SLCO6A1: variants seen among roughly 807,000 people sequenced by gnomAD.
The protein encoded by SLCO6A1 is solute carrier organic anion transporter family member 6A1, also known as cancer/testis antigen 48.
SLCO6A1 carries 65 observed loss-of-function variants against 72.7 expected under a neutral mutation model. The ratio of observed to expected loss-of-function variants is 0.89; its 90% CI spans 0.73 to 1.10. SLCO6A1 has a LOEUF of 1.10. Among genes scored for constraint, SLCO6A1 ranks in the 50% least tolerant of loss-of-function variants. SLCO6A1 has a pLI of 0.00. For missense variants in SLCO6A1, 874 were observed against 872.6 expected (o/e 1.00, Z -0.02); for synonymous variants, 314 against 298.2 (o/e 1.05, Z -0.55).
At chr5:102,459,620 T>C (rs753010370) in intron 5 of SLCO6A1, 36 bp downstream of exon 5, 2 of 1,551,496 alleles carry the variant, frequency 1.3e-6, no homozygotes, top group South Asian at 2.5e-5. Context: ...AAGAAACTAC[T>C]ATCCTCCAAT....
intron 1 of SLCO6A1, among the ~76,000 whole-genome samples, chr5:102,481,321 C>T (rs1042240702): frequency 1.3e-5 from 2 of 152,158 alleles, no homozygotes; most frequent in African/African-American, 4.8e-5. Flanking sequence ...GGTGCCAGAG[C>T]CCATGGGCTC....
At chr5:102,495,640 T>C (rs1044791800) in intron 1 of SLCO6A1, among the ~76,000 whole-genome samples, 48 of 151,948 alleles carry the variant, frequency 3.2e-4, no homozygotes, top group African/African-American at 1.1e-3. Flanking sequence ...TAATAAAAAA[T>C]AAAATTGATT....
intron 2 of SLCO6A1, among the ~76,000 whole-genome samples, chr5:102,479,450 T>C (rs1752075005): frequency 6.6e-6 from 1 of 152,052 alleles, no homozygotes; most frequent in African/African-American, 2.4e-5. Context: ...TCAAAAATAA[T>C]AACTACAAAC....
At chr5:102,413,575 T>C (rs556058461) in intron 8 of SLCO6A1, among the ~76,000 whole-genome samples, 1 of 152,308 alleles carries the variant, frequency 6.6e-6, no homozygotes, top group South Asian at 2.1e-4. Flanking sequence ...TTCATGCAGC[T>C]GGTCTTTATT....
chr5:102,466,539 A>T (rs1188990578), intron 4 of SLCO6A1, among the ~76,000 whole-genome samples: 2 of 152,076 alleles, frequency 1.3e-5, no homozygotes, highest in Non-Finnish European at 2.9e-5. Flanking sequence ...GTATATACCC[A>T]GTAATAGGAT....
chr5:102,383,101 T>TATATATATATAC (rs1432084945), intron 12 of SLCO6A1, among the ~76,000 whole-genome samples: 2 of 148,290 alleles, frequency 1.3e-5, no homozygotes, highest in Non-Finnish European at 3.0e-5. Context: ...TGTGAATATA[T>TATATATATATAC]ATATATATAG....
intron 1 of SLCO6A1, among the ~76,000 whole-genome samples, chr5:102,491,719 G>A (rs999964771): frequency 2.5e-4 from 38 of 152,320 alleles, no homozygotes; most frequent in East Asian, 3.9e-4. Flanking sequence ...GTTCCCGCCC[G>A]TGCCTCTCCC....
chr5:102,415,589 C>G (rs1748239210), intron 8 of SLCO6A1, among the ~76,000 whole-genome samples: 1 of 152,000 alleles, frequency 6.6e-6, no homozygotes, highest in Non-Finnish European at 1.5e-5. Context: ...ATATAACTCT[C>G]CAAACTCTAA....
At position 102,459,671 on chromosome 5, in the gene SLCO6A1, G is replaced by C. The variant is rs900020656; in HGVS notation, c.1006C>G (p.Pro336Ala). 2 of 1,585,258 alleles carry C rather than the reference G, an allele frequency of 1.3e-6. No individual in the cohort carries two copies. The highest frequency in any genetic ancestry group is 1.9e-5 in the Admixed American group (1 of 51,884). The change falls in exon 5 of 14, where the codon CCA becomes GCA. Residue 336 changes from proline (P) to alanine (A), a missense_variant. By Grantham distance (27) the Pro-to-Ala change is conservative. Coordinates refer to ENST00000506729, the MANE Select transcript of SLCO6A1 (RefSeq NM_173488.5). ...TTATAGTCACCTGGCATATTGTTTG[G>C]AAAGCATGACAATGGTATTAATGTA... ...WCTLIPLSCF[P>A]NNMPGSTRIK... is the part of the protein sequence containing the mutation.
At chr5:102,456,769 A>C (rs1750742340) in intron 6 of SLCO6A1, among the ~76,000 whole-genome samples, 1 of 152,048 alleles carries the variant, frequency 6.6e-6, no homozygotes, top group South Asian at 2.1e-4. Context: ...GTTCATATGG[A>C]ACCAAAAAAG....
intron 9 of SLCO6A1, among the ~76,000 whole-genome samples, chr5:102,405,424 G>T (rs1747619437): frequency 6.6e-6 from 1 of 151,244 alleles, no homozygotes; most frequent in Admixed American, 6.6e-5. Context: ...ACTGAAAATA[G>T]CTAGATAAAA....
intron 6 of SLCO6A1, among the ~76,000 whole-genome samples, chr5:102,447,579 A>G (rs114377429): frequency 0.034 from 5,117 of 152,102 alleles, 283 homozygotes; most frequent in African/African-American, 0.12. Flanking sequence ...CAGGGTTTCA[A>G]TTTCTTCCTG....
At chr5:102,461,845 A>G (rs867818731) in intron 4 of SLCO6A1, among the ~76,000 whole-genome samples, 2 of 152,234 alleles carry the variant, frequency 1.3e-5, no homozygotes, top group Middle Eastern at 3.4e-3. Context: ...TAACAAGTTT[A>G]TAGAGCATAA....
chr5:102,409,541 T>C (rs1358935920), intron 9 of SLCO6A1, among the ~76,000 whole-genome samples: 1 of 152,176 alleles, frequency 6.6e-6, no homozygotes, highest in African/African-American at 2.4e-5. Flanking sequence ...ATTCTATCCA[T>C]TAATCGTTTC....
chr5:102,470,370 T>C lies in SLCO6A1; in HGVS notation c.899+5327A>G, dbSNP rs559252999. Among the ~76,000 whole-genome samples the C allele has an allele frequency of 2.6e-5, 4 of 152,308 alleles. No homozygotes were observed. The South Asian group carries it at 8.3e-4, about 32-fold the overall frequency. ...TTGGTCTATTCAGAGATTCAACTTC[T>C]TCCTGGTTTAGTCTTGGGAGGGTGT... is the stretch of plus-strand genomic sequence containing the variant. On this transcript the variant is annotated intron_variant, in intron 4 of 13. Transcript: ENST00000506729.
At chr5:102,399,948 G>C (rs1019232594) in intron 9 of SLCO6A1, among the ~76,000 whole-genome samples, 2 of 148,154 alleles carry the variant, frequency 1.3e-5, no homozygotes, top group African/African-American at 4.9e-5. Flanking sequence ...AAAAATCTGT[G>C]TGTGTGTGTG....
chr5:102,459,228 A>T (rs1045440553), intron 5 of SLCO6A1, among the ~76,000 whole-genome samples: 3 of 152,106 alleles, frequency 2.0e-5, no homozygotes, highest in African/African-American at 7.2e-5. Context: ...TGCACAACAT[A>T]GCAAGACTCC....
At chr5:102,374,776 CTCTT>C (rs1290539628) in intron 12 of SLCO6A1, among the ~76,000 whole-genome samples, 1 of 152,050 alleles carries the variant, frequency 6.6e-6, no homozygotes, top group Non-Finnish European at 1.5e-5. Context: ...GTAAATTATT[CTCTT>C]TAGGGTATAG....
chr5:102,491,030 G>A (rs1306861369), intron 1 of SLCO6A1, among the ~76,000 whole-genome samples: 3 of 152,066 alleles, frequency 2.0e-5, no homozygotes, highest in African/African-American at 7.2e-5. Flanking sequence ...TTGGCAGGGC[G>A]CTGATTGGTG....
Sources: gnomAD v4.1 joint callset for allele counts (sites outside exome capture counted in the v4.1 genomes callset) on GRCh38, gnomAD v4.1.1 for gene constraint, MANE v1.5 for transcripts, NCBI Gene and HGNC (gene_info 2026-07-23, HGNC 2026-07-21) for gene names.